Variants in FAM83F observed in about 807,000 individuals in gnomAD.
The protein encoded by FAM83F is scaffolding CK1 anchoring protein F.
A neutral mutation model predicts 42.9 loss-of-function variants in FAM83F; 45 were observed. The observed-to-expected ratio is 1.05, with a 90% CI of 0.83 to 1.35. The LOEUF is 1.35. FAM83F is among the 40% of genes most tolerant of loss of function. The pLI, the probability that FAM83F is intolerant of heterozygous loss-of-function variation, is 0.00. For missense variants in FAM83F, 617 were observed against 695.9 expected (o/e 0.89, Z 1.28); for synonymous variants, 306 against 298.3 (o/e 1.03, Z -0.27).
In FAM83F at chr22:39,995,486, G is replaced by T. The variant is rs1433525919; in HGVS notation, c.444G>T (p.Pro148=). The change falls in exon 1 of 5, where the codon CCG becomes CCT. Residue 148 remains proline (P), a synonymous_variant. Coordinates refer to ENST00000333407, the MANE Select transcript of FAM83F (RefSeq NM_138435.4). The surrounding 1 kb of genome is among the most constrained non-coding windows in gnomAD (Gnocchi z 4.6). ...ACCCGCCCAAGGACGAGAAGGCGCC[G>T]CACCTCAAGCAGGTGGTCAGGCAGA... ...FTHPPKDEKA[P]HLKQVVRQMI... is the part of the protein sequence containing the mutation. The T allele has an allele frequency of 1.9e-6, 3 of 1,577,994 alleles. No individual in the cohort carries two copies. The highest frequency in any genetic ancestry group is 2.6e-6 in the Non-Finnish European group (3 of 1,161,560).
At chr22:40,000,762 T>C (rs1031245678) in intron 1 of FAM83F, among the ~76,000 whole-genome samples, 1 of 152,278 alleles carries the variant, frequency 6.6e-6, no homozygotes, top group South Asian at 2.1e-4. Flanking sequence ...CCTGCCTCCC[T>C]CTTTTCTCCC....
chr22:39,996,007 C>G (rs988015052), intron 1 of FAM83F, among the ~76,000 whole-genome samples: 3 of 152,190 alleles, frequency 2.0e-5, no homozygotes, highest in African/African-American at 7.2e-5. Context: ...CTTGGACCAC[C>G]CCTCTCCTCC....
At position 40,035,313 on chromosome 22, in the gene FAM83F, C is replaced by G. The variant is rs2067615975; in HGVS notation, c.*5748C>G. The stretch of plus-strand genomic sequence containing the variant: ...GGAGGAAAGGAGCAAAAGGCAAGAA[C>G]AGGCAGTATGTCCGCGGTGCCCACA... On this transcript the variant is annotated 3_prime_UTR_variant, in exon 5 of 5. Coordinates refer to ENST00000333407, the MANE Select transcript of FAM83F (RefSeq NM_138435.4). 6.6e-6 allele frequency: 1 copy of G among 152,396 alleles called. No individual in the cohort carries two copies. The highest frequency in any genetic ancestry group is 1.5e-5 in the Non-Finnish European group (1 of 68,150). 9.4% of individuals were successfully genotyped at this position (152,396 alleles called of 1,614,324 possible).
At position 40,016,206 on chromosome 22, in the gene FAM83F, A is replaced by AT. The variant is rs1042887326; in HGVS notation, c.490-2953dup. 1.3e-3 allele frequency among the ~76,000 whole-genome samples: 188 copies of AT among 140,246 alleles called. No individual in the cohort carries two copies. The Middle Eastern group carries it at 0.019, about 14-fold the overall frequency. The allele number at this position is 140,246 out of a possible 152,430, so 92.0% of individuals were successfully genotyped here. On this transcript the variant is annotated intron_variant, in intron 1 of 4. Transcript: ENST00000333407. ...TATACGTTGTTGTTGTTGTTTTTTT[A>AT]TTTTTTTTTGAGATAGAGTCTCACT...
At chr22:40,012,307 G>A (rs951511789) in intron 1 of FAM83F, among the ~76,000 whole-genome samples, 1 of 151,734 alleles carries the variant, frequency 6.6e-6, no homozygotes, top group African/African-American at 2.4e-5. Flanking sequence ...GCTGATTTTT[G>A]TATTTTTAGT....
chr22:40,012,676 A>G lies in FAM83F; in HGVS notation c.490-6492A>G, dbSNP rs141217468. ...TTCCAGCTACTCGGGAGGCTGAGGC[A>G]CAAGAATCGCTTGAACCTGGGAGTC... is the stretch of plus-strand genomic sequence containing the variant. On this transcript the variant is annotated intron_variant, in intron 1 of 4. Transcript: ENST00000333407. 8.5e-3 allele frequency among the ~76,000 whole-genome samples: 1,292 copies of G among 151,744 alleles called. 19 individuals carry two copies. The highest frequency in any genetic ancestry group is 0.03 in the African/African-American group (1,240 of 41,356).
Position 40,038,603 on chromosome 22 carries a change from T to G in FAM83F, c.*9038T>G, listed in dbSNP as rs1165097446. 2 of 152,254 alleles carry G rather than the reference T, an allele frequency of 1.3e-5. No individual in the cohort carries two copies. The highest frequency in any genetic ancestry group is 1.3e-4 in the Admixed American group (2 of 15,268). The allele number at this position is 152,254 out of a possible 1,614,324, so 9.4% of individuals were successfully genotyped here. The stretch of plus-strand genomic sequence containing the variant: ...AGGGGGCTGCCTTCACTATGGGTGC[T>G]CAGGAAATCTGCCAGGGGAAGGGAG... On this transcript the variant is annotated 3_prime_UTR_variant, in exon 5 of 5. Transcript: ENST00000333407.
At chr22:40,016,908 C>T (rs2145717743) in intron 1 of FAM83F, among the ~76,000 whole-genome samples, 1 of 152,242 alleles carries the variant, frequency 6.6e-6, no homozygotes, top group Non-Finnish European at 1.5e-5. Flanking sequence ...AAGTGATCCG[C>T]CCACCTCAGC....
At chr22:40,012,944 A>G (rs975608835) in intron 1 of FAM83F, among the ~76,000 whole-genome samples, 1 of 145,096 alleles carries the variant, frequency 6.9e-6, no homozygotes, top group Non-Finnish European at 1.5e-5. Context: ...TTAGCCAGGC[A>G]TGGTGACGGG....
chr22:40,029,656 C>T lies in FAM83F; in HGVS notation c.*91C>T, dbSNP rs2146246610. 2 of 1,528,858 alleles carry T rather than the reference C, an allele frequency of 1.3e-6. No individual in the cohort carries two copies. The highest frequency in any genetic ancestry group is 2.0e-5 in the Admixed American group (1 of 50,328). 94.7% of individuals were successfully genotyped at this position (1,528,858 alleles called of 1,614,324 possible). ...GCAGGTCGCACACTGCACCAGTTTGCACATCAGACGCCAACTGGCCTTCTG... is the reference window on the plus strand; with the variant it reads ...GCAGGTCGCACACTGCACCAGTTTGTACATCAGACGCCAACTGGCCTTCTG... On this transcript the variant is annotated 3_prime_UTR_variant, in exon 5 of 5. Transcript: ENST00000333407.
intron 4 of FAM83F, among the ~76,000 whole-genome samples, chr22:40,028,014 G>A (rs1359947514): frequency 3.3e-5 from 5 of 152,234 alleles, no homozygotes; most frequent in Admixed American, 6.5e-5. Context: ...GGGGGAAATG[G>A]GGACGAATGT....
rs765356806 is a variant in FAM83F, at chr22:40,019,892, C to T, written c.663C>T (p.Ile221=). Residue 221 remains isoleucine, a synonymous_variant, in exon 3 of 5, where the codon ATC becomes ATT. Coordinates refer to ENST00000333407, the MANE Select transcript of FAM83F (RefSeq NM_138435.4). ...CCTTCTGCTCTTCCCAACAGAACAT[C>T]CGTGTCCGCTCTGTGACAGGCGTCG... The part of the protein sequence containing the change: ...LQLTDFRIRN[I]RVRSVTGVGF... The T allele has an allele frequency of 2.5e-6, 4 of 1,611,268 alleles. No homozygotes were observed. Among genetic ancestry groups the T allele is most frequent in the Non-Finnish European group, 3.4e-6 (4 of 1,178,738 alleles).
rs1165737917 is a variant in FAM83F, at chr22:40,034,383, GGC to G, written c.*4819_*4820del. The G allele has an allele frequency of 6.6e-6, 1 of 152,472 alleles. No individual in the cohort carries two copies. Among genetic ancestry groups the G allele is most frequent in the African/African-American group, 2.4e-5 (1 of 41,458 alleles). 9.4% of individuals were successfully genotyped at this position (152,472 alleles called of 1,614,324 possible). Reference sequence around the variant, plus strand: ...GTTGAGTGAGGAGAAGGGCAAGAAGGGCAGGCACAGCCGTGAGTATGTTCTGG... The same window carrying G: ...GTTGAGTGAGGAGAAGGGCAAGAAGGAGGCACAGCCGTGAGTATGTTCTGG... On this transcript the variant is annotated 3_prime_UTR_variant, in exon 5 of 5. Transcript: ENST00000333407.
At chr22:40,008,953 C>G (rs749034542) in intron 1 of FAM83F, among the ~76,000 whole-genome samples, 1 of 152,200 alleles carries the variant, frequency 6.6e-6, no homozygotes, top group Non-Finnish European at 1.5e-5. Flanking sequence ...GCCACACAGA[C>G]GGCCATTCTG....
Position 40,029,377 on chromosome 22 carries a change from A to T in FAM83F, c.1454-139A>T, listed in dbSNP as rs2067574060. 6.4e-6 allele frequency: 8 copies of T among 1,252,364 alleles called. No homozygotes were observed. In the South Asian group the frequency reaches 1.1e-4, roughly 17 times the overall value. The allele number at this position is 1,252,364 out of a possible 1,614,324, so 77.6% of individuals were successfully genotyped here. Reference sequence around the variant, plus strand: ...CGGGTGCCCTATTGACTTGGTTTCCAGATCAGCAGCTTGGGAGGGAGACAG... The same window carrying T: ...CGGGTGCCCTATTGACTTGGTTTCCTGATCAGCAGCTTGGGAGGGAGACAG... On this transcript the variant is annotated intron_variant, in intron 4 of 4. Transcript: ENST00000333407.
chr22:40,016,205 T>A (rs1338885850), intron 1 of FAM83F, among the ~76,000 whole-genome samples: 1 of 152,012 alleles, frequency 6.6e-6, no homozygotes, highest in African/African-American at 2.4e-5. Context: ...GTTGTTTTTT[T>A]ATTTTTTTTT....
Position 40,020,008 on chromosome 22 carries a change from G to A in FAM83F, c.779G>A (p.Arg260Lys), listed in dbSNP as rs2067511194. 6.2e-7 allele frequency: 1 copy of A among 1,611,630 alleles called. No homozygotes were observed. The highest frequency in any genetic ancestry group is 1.3e-5 in the African/African-American group (1 of 74,782). The change falls in exon 3 of 5, where the codon AGG becomes AAG. Residue 260 changes from arginine (R) to lysine (K), a missense_variant and splice_region_variant. Arg to Lys is a conservative substitution (Grantham distance 26, BLOSUM62 2). Coordinates refer to ENST00000333407, the MANE Select transcript of FAM83F (RefSeq NM_138435.4). ...DGDKVATGSYRFTWSSSHVDR... is the reference protein window; with the variant it reads ...DGDKVATGSYKFTWSSSHVDR... ...GACAAAGTGGCCACTGGATCTTACAGGTGAGTTGGGCCGGATCAAAGAAGG... is the reference window on the plus strand; with the variant it reads ...GACAAAGTGGCCACTGGATCTTACAAGTGAGTTGGGCCGGATCAAAGAAGG...
rs1156857199 is a variant in FAM83F, at chr22:40,041,116, C to G, written c.*11551C>G. 1.3e-5 allele frequency: 2 copies of G among 152,208 alleles called. No homozygotes were observed. Among genetic ancestry groups the G allele is most frequent in the Non-Finnish European group, 2.9e-5 (2 of 68,048 alleles). 9.4% of individuals were successfully genotyped at this position (152,208 alleles called of 1,614,324 possible). On this transcript the variant is annotated 3_prime_UTR_variant, in exon 5 of 5. Coordinates refer to ENST00000333407, the MANE Select transcript of FAM83F (RefSeq NM_138435.4). ...GGCTCAGAGCACTTTTGGTAGCCAG[C>G]CAAGGCAGCTATCACTCATGAAATC...
chr22:40,026,868 C>T (rs1302037707), intron 4 of FAM83F, among the ~76,000 whole-genome samples: 1 of 152,196 alleles, frequency 6.6e-6, no homozygotes, highest in Non-Finnish European at 1.5e-5. Flanking sequence ...TCCCTTGGGG[C>T]CGCAGGTCTC....
Sources: allele counts gnomAD v4.1 joint callset (sites outside exome capture counted in the v4.1 genomes callset), GRCh38; gene constraint gnomAD v4.1.1; non-coding constraint Gnocchi (gnomAD v3.1); transcripts MANE v1.5; gene names NCBI Gene and HGNC (gene_info 2026-07-23, HGNC 2026-07-21).